VSIG10L: variants seen among roughly 807,000 people sequenced by gnomAD.
The protein encoded by VSIG10L is V-set and immunoglobulin domain containing 10 like.
In VSIG10L, 63 loss-of-function variants were observed where a neutral mutation model predicts 67.3. The observed-to-expected ratio is 0.94, with a 90% CI of 0.76 to 1.15. The LOEUF is 1.15. VSIG10L is among the 50% of genes most tolerant of loss of function. The pLI, the probability that VSIG10L is intolerant of heterozygous loss-of-function variation, is 0.00. For synonymous variants in VSIG10L, 499 were observed against 524.9 expected, an observed-to-expected ratio of 0.95 and a Z score of 0.67; for missense variants, 1,050 against 1,177.5, an observed-to-expected ratio of 0.89 and a Z score of 1.58.
chr19:51,335,965 AG>A (rs1193070656), intron 7 of VSIG10L, among the ~76,000 whole-genome samples: 1 of 152,150 alleles, frequency 6.6e-6, no homozygotes, highest in Non-Finnish European at 1.5e-5. Context: ...ATCCTTTTCA[AG>A]AGAGAAGTCA....
intron 9 of VSIG10L, among the ~76,000 whole-genome samples, chr19:51,332,911 AC>A (rs1233112957): frequency 6.6e-6 from 1 of 152,048 alleles, no homozygotes; most frequent in Non-Finnish European, 1.5e-5. Context: ...GTACAGTGGC[AC>A]CGTTAGAGCT....
intron 7 of VSIG10L, among the ~76,000 whole-genome samples, chr19:51,336,253 G>T (rs1213345429): frequency 1.3e-5 from 2 of 152,016 alleles, no homozygotes; most frequent in Non-Finnish European, 2.9e-5. Flanking sequence ...TATAACTGGT[G>T]TCCTTAAAAG....
intron 4 of VSIG10L, 76 bp downstream of exon 4, chr19:51,339,939 C>CT: frequency 8.0e-7 from 1 of 1,250,134 alleles, no homozygotes; most frequent in South Asian, 2.5e-5. Context: ...GGCCCCGCCC[C>CT]TTTCCTCTAG....
Position 51,338,059 on chromosome 19 carries a change from G to T in VSIG10L, c.1879C>A (p.Arg627Ser), listed in dbSNP as rs577495235. 42 of 1,551,482 alleles carry T rather than the reference G, an allele frequency of 2.7e-5. No individual in the cohort carries two copies. The highest frequency in any genetic ancestry group is 3.5e-5 in the Non-Finnish European group (40 of 1,146,972). ...GRPLAPGGGS[R>S]LRLSQDGRKL... is the part of the protein sequence containing the mutation. ...CGCCCATCTTGACTGAGCCGCAGGCGACTCCCGCCTCCTGGAGCCAGGGGC... is the reference window on the plus strand; with the variant it reads ...CGCCCATCTTGACTGAGCCGCAGGCTACTCCCGCCTCCTGGAGCCAGGGGC... The change falls in exon 6 of 10, where the codon CGC (arginine) becomes AGC (serine). Residue 627 changes from arginine (R) to serine (S), a missense_variant. Arg to Ser is a moderately radical substitution (Grantham distance 110). Around this residue, in one of 3 missense-constraint regions of VSIG10L, gnomAD observed 529 missense variants for 584.9 expected, o/e 0.90. Transcript: ENST00000335624.
rs1406239470 is a variant in VSIG10L at position 51,341,643 on chromosome 19, G to C, written c.405C>G (p.Ser135=). ...TTGAAGCTGGGGTCTTAACAGTGAAGGAAGGCTTGGGGTCTTTGGCAGGAA... is the reference window on the plus strand; with the variant it reads ...TTGAAGCTGGGGTCTTAACAGTGAACGAAGGCTTGGGGTCTTTGGCAGGAA... ...PQVPAKDPKP[S]FTVKTPASNI... The change falls in exon 2 of 10, where the codon TCC becomes TCG. Residue 135 remains serine (S), a synonymous_variant. Transcript: ENST00000335624. 3.9e-6 allele frequency: 6 copies of C among 1,551,730 alleles called. No homozygotes were observed. Among genetic ancestry groups the C allele is most frequent in the Non-Finnish European group, 5.2e-6 (6 of 1,146,996 alleles).
In VSIG10L at chr19:51,340,536, C is replaced by T; in HGVS notation, c.1086G>A (p.Gln362=). ...TGCGCACAGGGCGCACGATGAGCAG[C>T]TGGTCGCCCTCTGAGCGCATCCGGG... is the stretch of plus-strand genomic sequence containing the variant. ...ETPRMRSEGD[Q]LLIVRPVRSD... The change falls in exon 3 of 10, where the codon CAG becomes CAA. Residue 362 remains glutamine (Q), a synonymous_variant. Transcript: ENST00000335624. The surrounding 1 kb of genome is among the most constrained non-coding windows in gnomAD (Gnocchi z 6.3). 6.5e-7 allele frequency: 1 copy of T among 1,534,990 alleles called. No individual in the cohort carries two copies. Among genetic ancestry groups the T allele is most frequent in the Non-Finnish European group, 8.7e-7 (1 of 1,145,466 alleles).
rs1409093584 is a variant in VSIG10L, at chr19:51,338,959, CG to C, written c.1657del (p.Arg553GlyfsTer135). 5.6e-6 allele frequency: 8 copies of C among 1,418,678 alleles called. No individual in the cohort carries two copies. Among genetic ancestry groups the C allele is most frequent in the Admixed American group, 3.0e-5 (1 of 33,384 alleles). 87.9% of individuals were successfully genotyped at this position (1,418,678 alleles called of 1,614,324 possible). A position where few individuals can be genotyped will look rare whatever the true frequency, so the allele number is the denominator to read the frequency against. On this transcript the variant is annotated frameshift_variant, in exon 5 of 10. Coordinates refer to ENST00000335624, the MANE Select transcript of VSIG10L (RefSeq NM_001163922.3). LOFTEE classifies it high-confidence loss of function. ...VLLAAVPAHP[R>X]LSGVPITCLA... ...GCAGGTGATGGGGACGCCGCTGAGC[CG>C]GGGGTGGGCGGGGACGGCCGCCAGC...
Position 51,341,700 on chromosome 19 carries a change from A to G in VSIG10L, c.348T>C (p.Ser116=). The G allele has an allele frequency of 1.3e-6, 2 of 1,551,702 alleles. No homozygotes were observed. The highest frequency in any genetic ancestry group is 1.7e-6 in the Non-Finnish European group (2 of 1,146,996). The part of the protein sequence containing the change: ...PVSPFSETPG[S]EVFPDISDPQ... ...GATCCGAAATATCAGGAAATACTTC[A>G]GAACCAGGGGTTTCAGAGAAGGGGG... Residue 116 remains serine (S), a synonymous_variant, in exon 2 of 10, where the codon TCT becomes TCC. Transcript: ENST00000335624.
intron 5 of VSIG10L, 86 bp downstream of exon 5, chr19:51,338,802 C>G: frequency 7.6e-7 from 1 of 1,321,110 alleles, no homozygotes; most frequent in Non-Finnish European, 9.8e-7. Flanking sequence ...AGGACGTACC[C>G]CATACCCCTT....
At position 51,341,913 on chromosome 19, in the gene VSIG10L, G is replaced by C; in HGVS notation, c.135C>G (p.Ser45=). 1 of 1,551,704 alleles carries C rather than the reference G, an allele frequency of 6.4e-7. No individual in the cohort carries two copies. The highest frequency in any genetic ancestry group is 2.4e-5 in the East Asian group (1 of 40,920). ...SAFSSDSKSS[S]QGLGVEVPSI... ...AGGGAACTTCCACACCCAGCCCCTG[G>C]GAAGAGCTCTTTGAGTCTGAAGAGA... The change falls in exon 2 of 10, where the codon TCC becomes TCG. Residue 45 remains serine (S), a synonymous_variant. Coordinates refer to ENST00000335624, the MANE Select transcript of VSIG10L (RefSeq NM_001163922.3).
rs1375748117 is a variant in VSIG10L at position 51,340,245 on chromosome 19, G to A, written c.1244C>T (p.Ala415Val). 3 of 1,513,340 alleles carry A rather than the reference G, an allele frequency of 2.0e-6. No homozygotes were observed. Among genetic ancestry groups the A allele is most frequent in the Non-Finnish European group, 2.6e-6 (3 of 1,138,340 alleles). 93.7% of individuals were successfully genotyped at this position (1,513,340 alleles called of 1,614,324 possible). Residue 415 changes from alanine (A) to valine (V), a missense_variant, in exon 4 of 10, where the codon GCC becomes GTC. This residue lies in a region of VSIG10L where 511 missense variants were observed against 557.9 expected (regional missense o/e 0.92). Coordinates refer to ENST00000335624, the MANE Select transcript of VSIG10L (RefSeq NM_001163922.3). The surrounding 1 kb of genome is among the most constrained non-coding windows in gnomAD (Gnocchi z 6.3). ...GTTACTGCCCGCGGTGACAAAGCGG[G>A]CAGGCGCGGCGTCGCGGTCCGAGGA... ...TVSSDRDAAP[A>V]RFVTAGSNVT...
chr19:51,335,550 G>A (rs1423074778), intron 7 of VSIG10L, among the ~76,000 whole-genome samples: 1 of 152,212 alleles, frequency 6.6e-6, no homozygotes, highest in Non-Finnish European at 1.5e-5. Context: ...TGCAGGGTTG[G>A]AGGATGCAGT....
Position 51,342,082 on chromosome 19 carries a change from T to A in VSIG10L, c.40+3A>T. On this transcript the variant is annotated splice_donor_region_variant and intron_variant, in intron 1 of 9. Coordinates refer to ENST00000335624, the MANE Select transcript of VSIG10L (RefSeq NM_001163922.3). The surrounding 1 kb of genome is among the most constrained non-coding windows in gnomAD (Gnocchi z 4.4). ...CAGGGAAGGGACTGAGCAGGGAACT[T>A]ACCCAGGAGTAGGAAGAGTGGCAGA... is the stretch of plus-strand genomic sequence containing the variant. The A allele has an allele frequency of 6.4e-7, 1 of 1,551,610 alleles. No individual in the cohort carries two copies. Among genetic ancestry groups the A allele is most frequent in the Non-Finnish European group, 8.7e-7 (1 of 1,146,946 alleles).
chr19:51,340,666 T>A lies in VSIG10L; in HGVS notation c.956A>T (p.Glu319Val). The A allele has an allele frequency of 6.5e-7, 1 of 1,529,846 alleles. No individual in the cohort carries two copies. Among genetic ancestry groups the A allele is most frequent in the Non-Finnish European group, 8.7e-7 (1 of 1,143,550 alleles). 94.8% of individuals were successfully genotyped at this position (1,529,846 alleles called of 1,614,324 possible). A position where few individuals can be genotyped will look rare whatever the true frequency, so the allele number is the denominator to read the frequency against. Residue 319 changes from glutamate (E) to valine (V), a missense_variant, in exon 3 of 10, where the codon GAG (glutamate) becomes GTG (valine). This residue lies in a region of VSIG10L where 511 missense variants were observed against 557.9 expected (regional missense o/e 0.92). Transcript: ENST00000335624. This position sits in a 1 kb window ranked among gnomAD's most constrained non-coding sequence, Gnocchi z 6.3. ...KAPETEEGAA[E>V]LRLRCLGWGP... ...CCACCCCAGGCAGCGCAGCCGGAGC[T>A]CGGCCGCCCCCTCCTCTGTCTCTGG...
At position 51,338,012 on chromosome 19, in the gene VSIG10L, G is replaced by T; in HGVS notation, c.1926C>A (p.Phe642Leu). 1 of 1,551,726 alleles carries T rather than the reference G, an allele frequency of 6.4e-7. No individual in the cohort carries two copies. Among genetic ancestry groups the T allele is most frequent in the Non-Finnish European group, 8.7e-7 (1 of 1,146,990 alleles). ...AATTTCCCAGGTCCCAATCCAGGCT[G>T]AAGTTGCCGATGTGGAGTTTCCGCC... ...QDGRKLHIGN[F>L]SLDWDLGNYS... Residue 642 changes from phenylalanine to leucine, a missense_variant, in exon 6 of 10, where the codon TTC becomes TTA. Physicochemically the swap from Phe to Leu is conservative, Grantham distance 22 (BLOSUM62 0). Around this residue, in one of 3 missense-constraint regions of VSIG10L, gnomAD observed 529 missense variants for 584.9 expected, o/e 0.90. Coordinates refer to ENST00000335624, the MANE Select transcript of VSIG10L (RefSeq NM_001163922.3).
In VSIG10L at chr19:51,338,161, A is replaced by G. The variant is rs1985534765; in HGVS notation, c.1777T>C (p.Leu593=). The G allele has an allele frequency of 3.9e-6, 6 of 1,521,172 alleles. No individual in the cohort carries two copies. The East Asian group carries it at 7.4e-5, about 19-fold the overall frequency. 94.2% of individuals were successfully genotyped at this position (1,521,172 alleles called of 1,614,324 possible). A position where few individuals can be genotyped will look rare whatever the true frequency, so the allele number is the denominator to read the frequency against. Residue 593 remains leucine (L), a synonymous_variant, in exon 6 of 10, where the codon TTG becomes CTG. Transcript: ENST00000335624. ...LLHPLVAETR[L]GEAEVALEAS... ...TCCAGTGCCACCTCTGCCTCCCCCA[A>G]CCGTGTCTCTGCCACCAGCGGATGC...
intron 2 of VSIG10L, 143 bp downstream of exon 2, chr19:51,341,010 G>A: frequency 2.4e-6 from 3 of 1,264,782 alleles, no homozygotes; most frequent in Non-Finnish European, 3.1e-6. Context: ...CCCCTGCCTT[G>A]ACCTCTAGCT....
At chr19:51,338,811 T>C in intron 5 of VSIG10L, 77 bp downstream of exon 5, 1 of 1,332,984 alleles carries the variant, frequency 7.5e-7, no homozygotes, top group Non-Finnish European at 9.7e-7. Flanking sequence ...CCCATACCCC[T>C]TCAGAATTTT....
chr19:51,335,130 GC>G (rs1468595643), intron 7 of VSIG10L, among the ~76,000 whole-genome samples: 2 of 152,148 alleles, frequency 1.3e-5, no homozygotes, highest in Admixed American at 1.3e-4. Flanking sequence ...AAATGCAAAG[GC>G]CCAGAACTAG....
Sources: gnomAD v4.1 joint callset for allele counts (sites outside exome capture counted in the v4.1 genomes callset) on GRCh38, gnomAD v4.1.1 for gene constraint, gnomAD v4.1.1 regional missense constraint, Gnocchi (gnomAD v3.1) non-coding constraint, MANE v1.5 for transcripts, NCBI Gene and HGNC (gene_info 2026-07-23, HGNC 2026-07-21) for gene names.